RNF213: variants seen among roughly 807,000 people sequenced by gnomAD.
RNF213 encodes the protein ring finger protein 213.
RNF213 carries 341 observed loss-of-function variants against 514.4 expected under a neutral mutation model. The observed-to-expected ratio is 0.66, with a 90% CI of 0.61 to 0.73. The LOEUF (loss-of-function observed/expected upper bound fraction) is 0.73, where lower values mean the gene tolerates loss of function less well. Among genes scored for constraint, RNF213 ranks in the 30% least tolerant of loss-of-function variants. The pLI, the probability that RNF213 is intolerant of heterozygous loss-of-function variation, is 0.00. For missense variants in RNF213, 5,767 were observed against 6,615.6 expected (o/e 0.87, Z 4.45); for synonymous variants, 2,655 against 2,658.2 (o/e 1.00, Z 0.04).
At position 80,347,375 on chromosome 17, in the gene RNF213, C is replaced by T. The variant is rs1568107737; in HGVS notation, c.9040C>T (p.Pro3014Ser). The change falls in exon 29 of 68, where the codon CCC becomes TCC. Residue 3014 changes from proline to serine, a missense_variant. By Grantham distance (74) the Pro-to-Ser change is moderately conservative. Around this residue, in one of 13 missense-constraint regions of RNF213, gnomAD observed 919 missense variants for 1,121.0 expected, o/e 0.82. Coordinates refer to ENST00000582970, the MANE Select transcript of RNF213 (RefSeq NM_001256071.3). The surrounding 1 kb of genome is among the most constrained non-coding windows in gnomAD (Gnocchi z 7.2). The stretch of plus-strand genomic sequence containing the variant: ...GGCCAAGTGCTCAGAGGAAGTCAGC[C>T]CCATGCAGCTGATCAAACAGAACAT... ...PEAKCSEEVSPMQLIKQNIFG... is the reference protein window; with the variant it reads ...PEAKCSEEVSSMQLIKQNIFG... 1 of 1,613,866 alleles carries T rather than the reference C, an allele frequency of 6.2e-7. No individual in the cohort carries two copies. The highest frequency in any genetic ancestry group is 8.5e-7 in the Non-Finnish European group (1 of 1,180,000).
intron 65 of RNF213, among the ~76,000 whole-genome samples, 197 bp from the exon 66 acceptor site, chr17:80,389,631 G>A (rs180974198): frequency 6.6e-6 from 1 of 152,332 alleles, no homozygotes; most frequent in East Asian, 1.9e-4. Flanking sequence ...AGCGTGATGT[G>A]AGCGGGCTGT....
chr17:80,320,046 C>G, intron 17 of RNF213: 1 of 1,006,152 alleles, frequency 9.9e-7, no homozygotes, highest in Non-Finnish European at 1.2e-6. Flanking sequence ...GTATGCCATA[C>G]GGTACATCTG....
intron 55 of RNF213, 114 bp from the exon 56 acceptor site, chr17:80,380,717 A>G (rs2079959508): frequency 2.5e-6 from 3 of 1,209,636 alleles, no homozygotes; most frequent in Admixed American, 1.7e-5. Flanking sequence ...AACAGCAAGT[A>G]CTCTTCACAT....
At chr17:80,296,781 A>G (rs2084731678) in intron 10 of RNF213, among the ~76,000 whole-genome samples, 1 of 152,164 alleles carries the variant, frequency 6.6e-6, no homozygotes, top group African/African-American at 2.4e-5. Flanking sequence ...TCACAGACTC[A>G]GGTGGTTCTC....
chr17:80,355,374 TTA>T (rs1205367881), intron 36 of RNF213: 11 of 369,928 alleles, frequency 3.0e-5, no homozygotes, highest in African/African-American at 2.3e-4. Context: ...GAATGGGAGC[TTA>T]CAGGGGAAGA....
rs532730964 is a variant in RNF213 at position 80,352,987 on chromosome 17, A to T, written c.10351A>T (p.Met3451Leu). The change falls in exon 33 of 68, where the codon ATG becomes TTG. Residue 3451 changes from methionine (M) to leucine (L), a missense_variant. By Grantham distance (15) the Met-to-Leu change is conservative. Coordinates refer to ENST00000582970, the MANE Select transcript of RNF213 (RefSeq NM_001256071.3). ...CGATGACCTCCGGAGATCCACCCTC[A>T]TGGTTTCTGATGTGACCAGGCTGCA... ...HIDDLRRSTL[M>L]VSDVTRLQHV... 301 of 1,613,846 alleles carry T rather than the reference A, an allele frequency of 1.9e-4. No individual in the cohort carries two copies. The highest frequency in any genetic ancestry group is 2.5e-4 in the Non-Finnish European group (290 of 1,180,048).
At position 80,351,762 on chromosome 17, in the gene RNF213, C is replaced by G; in HGVS notation, c.10262C>G (p.Ser3421Cys). Residue 3421 changes from serine (S) to cysteine (C), a missense_variant, in exon 32 of 68, where the codon TCC becomes TGC. By Grantham distance (112) the Ser-to-Cys change is moderately radical (BLOSUM62 -1). This residue lies in a region of RNF213 where 919 missense variants were observed against 1,121.0 expected (regional missense o/e 0.82). Coordinates refer to ENST00000582970, the MANE Select transcript of RNF213 (RefSeq NM_001256071.3). ...TTCGTCTATTTCATCACAAAACTGT[C>G]CCGGGTGGGAAGAGGAACAGCCTAT... ...RIFVYFITKL[S>C]RVGRGTAYVG... The G allele has an allele frequency of 6.2e-7, 1 of 1,612,684 alleles. No individual in the cohort carries two copies. Among genetic ancestry groups the G allele is most frequent in the South Asian group, 1.1e-5 (1 of 91,002 alleles).
Position 80,390,154 on chromosome 17 carries a change from A to G in RNF213, c.15428A>G (p.Asn5143Ser), listed in dbSNP as rs1441073864. 6.2e-7 allele frequency: 1 copy of G among 1,613,964 alleles called. No homozygotes were observed. Among genetic ancestry groups the G allele is most frequent in the African/African-American group, 1.3e-5 (1 of 74,904 alleles). Residue 5143 changes from asparagine (N) to serine (S), a missense_variant, in exon 67 of 68, where the codon AAC becomes AGC. Asn to Ser is a conservative substitution (Grantham distance 46, BLOSUM62 1). Transcript: ENST00000582970. ...LHEMIILKLK[N>S]PQTQTEERFR... is the part of the protein sequence containing the mutation. ...GAAATGATAATCTTGAAACTAAAGAACCCCCAAACCCAAACCGAGGAGCGC... is the reference window on the plus strand; with the variant it reads ...GAAATGATAATCTTGAAACTAAAGAGCCCCCAAACCCAAACCGAGGAGCGC...
intron 64 of RNF213, 57 bp downstream of exon 64, chr17:80,388,746 C>T: frequency 7.5e-7 from 1 of 1,334,108 alleles, no homozygotes; most frequent in Admixed American, 1.7e-5. Context: ...CAGTGTGTTT[C>T]CCTCCGTGTT....
rs138516230 is a variant in RNF213, at chr17:80,345,997, C to A, written c.7662C>A (p.Asp2554Glu). 563 of 1,614,222 alleles carry A rather than the reference C, an allele frequency of 3.5e-4. 11 individuals carry two copies. The East Asian group carries it at 0.012, about 35-fold the overall frequency. Reference protein sequence around the residue: ...GYRVSMEETADRLGSIPLRQL... With the variant: ...GYRVSMEETAERLGSIPLRQL... Reference sequence around the variant, plus strand: ...GGGTTAGTATGGAGGAGACGGCCGACAGGCTGGGCTCCATTCCTCTGAGGC... The same window carrying A: ...GGGTTAGTATGGAGGAGACGGCCGAAAGGCTGGGCTCCATTCCTCTGAGGC... The change falls in exon 29 of 68, where the codon GAC (aspartate) becomes GAA (glutamate). Residue 2554 changes from aspartate to glutamate, a missense_variant. Asp to Glu is a conservative substitution (Grantham distance 45, BLOSUM62 2). Coordinates refer to ENST00000582970, the MANE Select transcript of RNF213 (RefSeq NM_001256071.3). This position sits in a 1 kb window ranked among gnomAD's most constrained non-coding sequence, Gnocchi z 6.0.
At chr17:80,376,620 G>C in intron 52 of RNF213, 77 bp downstream of exon 52, 1 of 1,598,154 alleles carries the variant, frequency 6.3e-7, no homozygotes, top group Non-Finnish European at 8.5e-7. Context: ...CCGAGCTGCA[G>C]CTGTGGGAAC....
chr17:80,286,639 G>A (rs986669551), intron 3 of RNF213, among the ~76,000 whole-genome samples: 1 of 152,110 alleles, frequency 6.6e-6, no homozygotes, highest in African/African-American at 2.4e-5. Context: ...CCCCTGGGCT[G>A]CACCTCAGTG....
At chr17:80,358,536 C>T in intron 37 of RNF213, 57 bp downstream of exon 37, 1 of 1,480,778 alleles carries the variant, frequency 6.8e-7, no homozygotes, top group South Asian at 1.1e-5. Context: ...CAGCAGGACC[C>T]TAATATGCTC....
intron 15 of RNF213, chr17:80,315,749 TGG>T (rs2045902890): frequency 4.1e-5 from 2 of 48,228 alleles, no homozygotes; most frequent in African/African-American, 1.8e-4. Flanking sequence ...GTGGTGGTGG[TGG>T]AGGTGACAGT....
intron 46 of RNF213, chr17:80,371,616 C>T (rs954153840): frequency 9.2e-6 from 3 of 325,204 alleles, no homozygotes; most frequent in East Asian, 5.8e-5. Context: ...AAAAGCTCTT[C>T]GGGGTTCTCA....
At position 80,337,478 on chromosome 17, in the gene RNF213, G is replaced by C. The variant is rs971414177; in HGVS notation, c.4528-108G>C. On this transcript the variant is annotated intron_variant, in intron 23 of 67. Transcript: ENST00000582970. ...GCGTCCTGAGCCCTGGGGAAGCGTG[G>C]GGAGAAGGCTCTGCAGCGAGGCAGA... 2.8e-6 allele frequency: 4 copies of C among 1,414,312 alleles called. No homozygotes were observed. In the African/African-American group the frequency reaches 5.7e-5, roughly 20 times the overall value. The allele number at this position is 1,414,312 out of a possible 1,614,324, so 87.6% of individuals were successfully genotyped here.
chr17:80,276,754 C>T (rs947288049), intron 3 of RNF213, among the ~76,000 whole-genome samples: 1 of 151,022 alleles, frequency 6.6e-6, no homozygotes, highest in East Asian at 1.9e-4. Context: ...CCAAAAGTTA[C>T]GCATAAAATT....
Position 80,282,524 on chromosome 17 carries a change from G to A in RNF213, c.262-5291G>A, listed in dbSNP as rs991134739. Reference sequence around the variant, plus strand: ...CGCCATTCTCCTGCCTCAGCCTCCCGAGTAGCTGGGACTACAGGCGCCCAC... The same window carrying A: ...CGCCATTCTCCTGCCTCAGCCTCCCAAGTAGCTGGGACTACAGGCGCCCAC... On this transcript the variant is annotated intron_variant, in intron 3 of 67. Transcript: ENST00000582970. Among the ~76,000 whole-genome samples the A allele has an allele frequency of 2.1e-4, 32 of 151,686 alleles. 1 individual carries two copies. The highest frequency in any genetic ancestry group is 4.3e-4 in the Non-Finnish European group (29 of 67,960).
rs542188417 is a variant in RNF213 at position 80,311,319 on chromosome 17, G to A, written c.2656-1693G>A. 7.9e-5 allele frequency among the ~76,000 whole-genome samples: 12 copies of A among 152,332 alleles called. No individual in the cohort carries two copies. In the South Asian group the frequency reaches 2.5e-3, roughly 32 times the overall value. ...GCTCCAGGGTTGACGGACACTTGGA[G>A]AACAAGGTGCCCGTGTCAGGCTCCG... On this transcript the variant is annotated intron_variant, in intron 14 of 67. Transcript: ENST00000582970.
Sources: gnomAD v4.1 joint callset for allele counts (sites outside exome capture counted in the v4.1 genomes callset) on GRCh38, gnomAD v4.1.1 for gene constraint, gnomAD v4.1.1 regional missense constraint, Gnocchi (gnomAD v3.1) non-coding constraint, MANE v1.5 for transcripts, NCBI Gene and HGNC (gene_info 2026-07-23, HGNC 2026-07-21) for gene names.